Variants in ZBTB49 observed in about 807,000 individuals in gnomAD.
ZBTB49 encodes the protein zinc finger and BTB domain-containing protein 49.
In ZBTB49, 43 loss-of-function variants were observed where a neutral mutation model predicts 57.5. That is an observed-to-expected ratio of 0.75 (90% CI 0.59 to 0.97). The LOEUF (loss-of-function observed/expected upper bound fraction) is 0.97. Ranked by LOEUF, ZBTB49 falls within the 50% of genes least tolerant of loss-of-function variation. The probability of loss-of-function intolerance (pLI) is 0.00; values close to 1 mark genes in which losing one functional copy is unlikely to be tolerated. For missense variants in ZBTB49, 938 were observed against 947.7 expected (o/e 0.99, Z 0.13); for synonymous variants, 369 against 362.1 (o/e 1.02, Z -0.22).
At position 4,320,968 on chromosome 4, in the gene ZBTB49, C is replaced by T. The variant is rs1577252145; in HGVS notation, c.1950C>T (p.Gly650=). ...CAGAATTTGATAGCCACTCTGGCGG[C>T]TCCTATTGTAAGTTACGGTCCATGA... ...SVAEFDSHSG[G]SYCKLRSMIQ... Residue 650 remains glycine, a synonymous_variant, in exon 8 of 8, where the codon GGC becomes GGT. Coordinates refer to ENST00000337872, the MANE Select transcript of ZBTB49 (RefSeq NM_145291.4). 5 of 1,614,224 alleles carry T rather than the reference C, an allele frequency of 3.1e-6. No homozygotes were observed. Among genetic ancestry groups the T allele is most frequent in the Non-Finnish European group, 4.2e-6 (5 of 1,180,044 alleles).
rs1410599430 is a variant in ZBTB49, at chr4:4,315,670, A to T, written c.1411A>T (p.Ile471Phe). 1 of 1,614,220 alleles carries T rather than the reference A, an allele frequency of 6.2e-7. No individual in the cohort carries two copies. The change falls in exon 6 of 8, where the codon ATT becomes TTT. Residue 471 changes from isoleucine to phenylalanine, a missense_variant. Physicochemically the swap from Ile to Phe is conservative, Grantham distance 21 (BLOSUM62 0). Around this residue, in one of 3 missense-constraint regions of ZBTB49, gnomAD observed 835 missense variants for 819.1 expected, o/e 1.02. Coordinates refer to ENST00000337872, the MANE Select transcript of ZBTB49 (RefSeq NM_145291.4). ...AASGDVQRHI[I>F]IHSGEKPHLC... ...CTCTGGCGACGTCCAGCGTCACATT[A>T]TTATTCACTCAGGAGAAAAACCACA...
At chr4:4,317,894 G>A (rs950707811) in intron 7 of ZBTB49, among the ~76,000 whole-genome samples, 2 of 152,106 alleles carry the variant, frequency 1.3e-5, no homozygotes, top group Non-Finnish European at 2.9e-5. Flanking sequence ...GTCTTTCCTG[G>A]CTCTCTGGTT....
chr4:4,316,094 C>A, intron 7 of ZBTB49, 124 bp downstream of exon 7: 1 of 1,220,422 alleles, frequency 8.2e-7, no homozygotes, highest in Non-Finnish European at 1.1e-6. Context: ...TTTTTATTGC[C>A]TCACATGATC....
chr4:4,290,760 C>CT (rs1331951904), intron 1 of ZBTB49, among the ~76,000 whole-genome samples: 2 of 152,240 alleles, frequency 1.3e-5, no homozygotes, highest in Non-Finnish European at 2.9e-5. Flanking sequence ...GAGAGTAGCG[C>CT]TTAAGACGAC....
intron 1 of ZBTB49, among the ~76,000 whole-genome samples, chr4:4,290,894 G>T (rs1404933012): frequency 6.6e-6 from 1 of 152,232 alleles, no homozygotes; most frequent in Non-Finnish European, 1.5e-5. Flanking sequence ...TCATGAGTTG[G>T]TGCATGTAAA....
rs1185746315 is a variant in ZBTB49 at position 4,302,386 on chromosome 4, C to T, written c.550C>T (p.His184Tyr). Residue 184 changes from histidine (H) to tyrosine (Y), a missense_variant, in exon 3 of 8, where the codon CAT becomes TAT. By Grantham distance (83) the His-to-Tyr change is moderately conservative (BLOSUM62 2). Around this residue, in one of 3 missense-constraint regions of ZBTB49, gnomAD observed 835 missense variants for 819.1 expected, o/e 1.02. Transcript: ENST00000337872. ...HPHASPSVNR[H>Y]HSAGEISKQA... is the part of the protein sequence containing the mutation. ...GCATGCTTCACCATCAGTTAATCGT[C>T]ATCACTCCGCAGGTGAAATCTCAAA... 2 of 1,614,230 alleles carry T rather than the reference C, an allele frequency of 1.2e-6. No homozygotes were observed. The highest frequency in any genetic ancestry group is 4.5e-5 in the East Asian group (2 of 44,890).
intron 1 of ZBTB49, among the ~76,000 whole-genome samples, chr4:4,291,371 A>G (rs1016528140): frequency 6.6e-6 from 1 of 152,008 alleles, no homozygotes. Flanking sequence ...TTGCATCCAG[A>G]TTTCCTCTTT....
chr4:4,318,402 C>G (rs1034024306), intron 7 of ZBTB49, among the ~76,000 whole-genome samples: 1 of 152,102 alleles, frequency 6.6e-6, no homozygotes, highest in African/African-American at 2.4e-5. Flanking sequence ...GATCACTTGA[C>G]GTCAGGAGTT....
chr4:4,296,597 C>G (rs562837782), intron 1 of ZBTB49, among the ~76,000 whole-genome samples: 1 of 152,324 alleles, frequency 6.6e-6, no homozygotes, highest in African/African-American at 2.4e-5. Context: ...TCTAATAAAC[C>G]TCTTTCTTTT....
intron 3 of ZBTB49, among the ~76,000 whole-genome samples, chr4:4,304,257 G>A (rs1379496693): frequency 2.1e-5 from 3 of 144,388 alleles, no homozygotes; most frequent in South Asian, 2.1e-4. Flanking sequence ...ACAGAGTTTC[G>A]CTCTGTTGCC....
intron 1 of ZBTB49, among the ~76,000 whole-genome samples, chr4:4,296,337 G>T (rs1446627917): frequency 6.6e-6 from 1 of 152,236 alleles, no homozygotes; most frequent in African/African-American, 2.4e-5. Flanking sequence ...ATCTCATTTT[G>T]AATTGTAACT....
chr4:4,293,871 G>T lies in ZBTB49; in HGVS notation c.-20+3519G>T, dbSNP rs565967447. Among the ~76,000 whole-genome samples the T allele has an allele frequency of 1.2e-3, 184 of 152,326 alleles. 1 individual carries two copies. Among genetic ancestry groups the T allele is most frequent in the African/African-American group, 3.8e-3 (159 of 41,568 alleles). ...AAGCTGTTAGCTCTTTAAAGGCCTG[G>T]GCCTGGGAAATGAGCACAGCTTTGT... On this transcript the variant is annotated intron_variant, in intron 1 of 7. Coordinates refer to ENST00000337872, the MANE Select transcript of ZBTB49 (RefSeq NM_145291.4).
chr4:4,304,203 C>T (rs1476882820), intron 3 of ZBTB49, among the ~76,000 whole-genome samples: 3 of 151,672 alleles, frequency 2.0e-5, no homozygotes, highest in Non-Finnish European at 4.4e-5. Flanking sequence ...CCTAAATCTC[C>T]TACAGCCTAA....
chr4:4,291,002 G>A (rs151171009), intron 1 of ZBTB49, among the ~76,000 whole-genome samples: 1 of 152,314 alleles, frequency 6.6e-6, no homozygotes, highest in East Asian at 1.9e-4. Flanking sequence ...TGGTCACTAG[G>A]TGTTTGTTGC....
intron 2 of ZBTB49, among the ~76,000 whole-genome samples, chr4:4,300,336 T>C (rs1450834796): frequency 6.6e-6 from 1 of 152,190 alleles, no homozygotes; most frequent in Admixed American, 6.5e-5. Flanking sequence ...TTGGGATGAT[T>C]GAAAGTATTT....
intron 3 of ZBTB49, 132 bp downstream of exon 3, chr4:4,303,223 G>A: frequency 9.3e-7 from 1 of 1,076,464 alleles, no homozygotes; most frequent in Non-Finnish European, 1.3e-6. Flanking sequence ...CAAAATAAGG[G>A]GGATTAACTA....
chr4:4,310,866 A>G (rs1184553687), intron 4 of ZBTB49, among the ~76,000 whole-genome samples: 2 of 152,008 alleles, frequency 1.3e-5, no homozygotes, highest in Admixed American at 6.6e-5. Flanking sequence ...TTTCTAAGAC[A>G]TGGTCTGTGC....
At chr4:4,296,287 G>T (rs1720199709) in intron 1 of ZBTB49, among the ~76,000 whole-genome samples, 1 of 150,324 alleles carries the variant, frequency 6.7e-6, no homozygotes, top group South Asian at 2.2e-4. Flanking sequence ...TGGCAGCAAG[G>T]TTGCAAGGTG....
chr4:4,315,712 G>T lies in ZBTB49; in HGVS notation c.1453G>T (p.Gly485Cys). The change falls in exon 6 of 8, where the codon GGT becomes TGT. Residue 485 changes from glycine (G) to cysteine (C), a missense_variant. By Grantham distance (159) the Gly-to-Cys change is radical. Transcript: ENST00000337872. ...AAAACCACACTTGTGTGACATCTGT[G>T]GTCGAGGTACAGCTGAGTGTTTTCC... ...GEKPHLCDICGRGFSNFSNLK... is the reference protein window; with the variant it reads ...GEKPHLCDICCRGFSNFSNLK... 6.2e-7 allele frequency: 1 copy of T among 1,613,998 alleles called. No homozygotes were observed. Among genetic ancestry groups the T allele is most frequent in the South Asian group, 1.1e-5 (1 of 91,056 alleles).
Sources: gnomAD v4.1 joint callset for allele counts (sites outside exome capture counted in the v4.1 genomes callset) on GRCh38, gnomAD v4.1.1 for gene constraint, gnomAD v4.1.1 regional missense constraint, MANE v1.5 for transcripts, NCBI Gene and HGNC (gene_info 2026-07-23, HGNC 2026-07-21) for gene names.